The following RASSF5 variants were observed in gnomAD, a reference collection of about 807,000 sequenced individuals.
The protein encoded by RASSF5 is ras association domain-containing protein 5.
Under a neutral mutation model 40.5 loss-of-function variants are expected in RASSF5, and 25 were observed. The observed-to-expected ratio is 0.62, with a 90% confidence interval of 0.45 to 0.86. RASSF5 has a LOEUF of 0.86. RASSF5 is among the 40% of genes least tolerant of loss of function. The pLI is 0.00. For synonymous variants in RASSF5, 246 were observed against 252.4 expected (o/e 0.97, Z 0.24); for missense variants, 521 against 572.8 (o/e 0.91, Z 0.92).
chr1:206,588,098 C>G lies in RASSF5; in HGVS notation c.*1120C>G, dbSNP rs578162687. 1.3e-5 allele frequency: 2 copies of G among 152,762 alleles called. No homozygotes were observed. Among genetic ancestry groups the G allele is most frequent in the African/African-American group, 4.8e-5 (2 of 41,468 alleles). 9.5% of individuals were successfully genotyped at this position (152,762 alleles called of 1,614,324 possible). A position where few individuals can be genotyped will look rare whatever the true frequency, so the allele number is the denominator to read the frequency against. ...AGACCCGGCACTGCGCTCGGAGAGC[C>G]GGTGGGCCTGGCCTCCCCGTCGACC... On this transcript the variant is annotated 3_prime_UTR_variant, in exon 6 of 6. Coordinates refer to ENST00000579436, the MANE Select transcript of RASSF5 (RefSeq NM_182663.4).
At position 206,587,025 on chromosome 1, in the gene RASSF5, TATTA is replaced by T. The variant is rs1553407820; in HGVS notation, c.*52_*55del. ...CTGGTGCATTCAGATTTATTTGTAT[TATTA>T]ATTATTATTTTGCAACAGACACTTT... On this transcript the variant is annotated 3_prime_UTR_variant, in exon 6 of 6. Transcript: ENST00000579436. 1.3e-5 allele frequency: 21 copies of T among 1,603,100 alleles called. No homozygotes were observed. The highest frequency in any genetic ancestry group is 3.4e-5 in the Admixed American group (2 of 59,346).
At chr1:206,526,348 C>T (rs1424929305) in intron 1 of RASSF5, among the ~76,000 whole-genome samples, 2 of 148,034 alleles carry the variant, frequency 1.4e-5, no homozygotes, top group East Asian at 4.0e-4. Flanking sequence ...GCCTCCAGGC[C>T]CTCCGGGCTG....
intron 2 of RASSF5, among the ~76,000 whole-genome samples, chr1:206,549,851 G>A (rs1667786162): frequency 6.6e-6 from 1 of 152,160 alleles, no homozygotes; most frequent in Non-Finnish European, 1.5e-5. Flanking sequence ...CCCTGTATGA[G>A]GGCAGACACT....
At chr1:206,575,351 G>T (rs1300441500) in intron 2 of RASSF5, among the ~76,000 whole-genome samples, 1 of 152,214 alleles carries the variant, frequency 6.6e-6, no homozygotes, top group East Asian at 1.9e-4. Flanking sequence ...GATTTGCTAA[G>T]AGCTGAGAAA....
chr1:206,535,740 G>A lies in RASSF5; in HGVS notation c.458-2432G>A, dbSNP rs1553398577. Among the ~76,000 whole-genome samples the A allele has an allele frequency of 6.6e-6, 1 of 150,538 alleles. No homozygotes were observed. Among genetic ancestry groups the A allele is most frequent in the African/African-American group, 2.5e-5 (1 of 40,716 alleles). ...GGTGTGTGTGTGTGTGTGTGTGTGT[G>A]TGTGAGAGAGAGAGAGAGAGATGGA... On this transcript the variant is annotated intron_variant, in intron 1 of 5. Coordinates refer to ENST00000579436, the MANE Select transcript of RASSF5 (RefSeq NM_182663.4). The surrounding 1 kb of genome is among the most constrained non-coding windows in gnomAD (Gnocchi z 5.0).
intron 2 of RASSF5, among the ~76,000 whole-genome samples, chr1:206,574,007 A>G (rs1285676243): frequency 6.6e-6 from 1 of 152,242 alleles, no homozygotes; most frequent in African/African-American, 2.4e-5. Context: ...AGGGGATTAA[A>G]TGAGATCAGG....
At chr1:206,549,073 C>T (rs1667770524) in intron 2 of RASSF5, among the ~76,000 whole-genome samples, 1 of 151,796 alleles carries the variant, frequency 6.6e-6, no homozygotes, top group African/African-American at 2.4e-5. Context: ...ACTATGTTGG[C>T]CAGGCTGGTC....
chr1:206,565,686 A>G (rs1446576253), intron 2 of RASSF5, among the ~76,000 whole-genome samples: 2 of 152,224 alleles, frequency 1.3e-5, no homozygotes, highest in African/African-American at 4.8e-5. Flanking sequence ...CCTTGCAGCC[A>G]CATGGCCTTT....
chr1:206,573,981 A>T (rs1462412489), intron 2 of RASSF5, among the ~76,000 whole-genome samples: 6 of 152,252 alleles, frequency 3.9e-5, no homozygotes, highest in Non-Finnish European at 8.8e-5. Context: ...GAGTAACAGC[A>T]TCTTTCTTGT....
intron 2 of RASSF5, among the ~76,000 whole-genome samples, chr1:206,553,761 A>C (rs1553401364): frequency 1.3e-5 from 2 of 152,248 alleles, no homozygotes; most frequent in Non-Finnish European, 1.5e-5. Context: ...GGGCATAGTC[A>C]GATGGAGAAA....
At chr1:206,509,743 T>C (rs1666567462) in intron 1 of RASSF5, among the ~76,000 whole-genome samples, 1 of 151,708 alleles carries the variant, frequency 6.6e-6, no homozygotes, top group African/African-American at 2.4e-5. Flanking sequence ...TTTTTTGGTT[T>C]GGTGATAATG....
intron 1 of RASSF5, among the ~76,000 whole-genome samples, chr1:206,512,203 A>G (rs1666635714): frequency 6.6e-6 from 1 of 151,984 alleles, no homozygotes; most frequent in African/African-American, 2.4e-5. Context: ...TCTAACTGGG[A>G]TCTTCTTCTT....
rs1553393974 is a variant in RASSF5 at position 206,507,707 on chromosome 1, GCCGCCCCCCGA to G, written c.109_119del (p.Pro37ValfsTer98). The stretch of plus-strand genomic sequence containing the variant: ...GCCTGAGCGGCCCCGAGCTACCGCC[GCCGCCCCCCGA>G]CCGGTCCTCGCGCCTCTGTGTCCCG... On this transcript the variant is annotated frameshift_variant, in exon 1 of 6. Transcript: ENST00000579436. LOFTEE classifies it high-confidence loss of function. 1 of 1,488,092 alleles carries G rather than the reference GCCGCCCCCCGA, an allele frequency of 6.7e-7. No homozygotes were observed. Among genetic ancestry groups the G allele is most frequent in the African/African-American group, 1.5e-5 (1 of 68,492 alleles). The allele number at this position is 1,488,092 out of a possible 1,614,324, so 92.2% of individuals were successfully genotyped here.
chr1:206,546,131 C>T (rs1667687154), intron 2 of RASSF5, among the ~76,000 whole-genome samples: 1 of 82,404 alleles, frequency 1.2e-5, no homozygotes, highest in Non-Finnish European at 2.1e-5. Context: ...TTTTTTGGGA[C>T]AGGATCTCAT....
In RASSF5 at chr1:206,584,449, G is replaced by A. The variant is rs140334800; in HGVS notation, c.753G>A (p.Thr251=). Residue 251 remains threonine, a synonymous_variant, in exon 4 of 6, where the codon ACG becomes ACA. Coordinates refer to ENST00000579436, the MANE Select transcript of RASSF5 (RefSeq NM_182663.4). This position sits in a 1 kb window ranked among gnomAD's most constrained non-coding sequence, Gnocchi z 4.9. ...KVHLKLRRPV[T]VPAGIRPQSI... ...ATCTGAAACTCCGGCGGCCTGTGAC[G>A]GTGCCTGCTGGGATCCGGCCCCAGT... is the stretch of plus-strand genomic sequence containing the variant. The A allele has an allele frequency of 2.9e-5, 47 of 1,614,020 alleles. No homozygotes were observed. The East Asian group carries it at 5.1e-4, about 18-fold the overall frequency.
rs7541445 is a variant in RASSF5, at chr1:206,587,354, A to T, written c.*376A>T. On this transcript the variant is annotated 3_prime_UTR_variant, in exon 6 of 6. Coordinates refer to ENST00000579436, the MANE Select transcript of RASSF5 (RefSeq NM_182663.4). ...TAGAGCTGTGTGTTCTTTCTCTGGC[A>T]TTGATTCCTCTTTGAGTTCTCTTAC... 0.44 allele frequency: 140,036 copies of T among 316,802 alleles called. 31,589 individuals are homozygous for T. The highest frequency in any genetic ancestry group is 0.55 in the South Asian group (20,506 of 37,476). The allele number at this position is 316,802 out of a possible 1,614,324, so 19.6% of individuals were successfully genotyped here.
intron 2 of RASSF5, among the ~76,000 whole-genome samples, chr1:206,553,217 A>G (rs1667892953): frequency 6.6e-6 from 1 of 152,160 alleles, no homozygotes; most frequent in Non-Finnish European, 1.5e-5. Context: ...ACAAAAAACA[A>G]GAAAAGGGCT....
At position 206,557,262 on chromosome 1, in the gene RASSF5, G is replaced by A. The variant is rs1162025038; in HGVS notation, c.579+18969G>A. ...GCGGAGGGAGGGCGCTGGCGCCGGG[G>A]ACACGAAACCGCAGAGCCCGGACGA... On this transcript the variant is annotated intron_variant, in intron 2 of 5. Transcript: ENST00000579436. The A allele has an allele frequency of 1.0e-5, 12 of 1,145,458 alleles. 1 individual carries two copies. The highest frequency in any genetic ancestry group is 1.3e-5 in the Non-Finnish European group (12 of 931,226). The allele number at this position is 1,145,458 out of a possible 1,614,324, so 71.0% of individuals were successfully genotyped here.
intron 2 of RASSF5, chr1:206,557,130 C>A (rs888375697): frequency 3.0e-6 from 3 of 990,168 alleles, no homozygotes; most frequent in Non-Finnish European, 3.6e-6. Flanking sequence ...ACAGCCGAGC[C>A]GGCTTTGAGG....
Sources: gnomAD v4.1 joint callset for allele counts (sites outside exome capture counted in the v4.1 genomes callset) on GRCh38, gnomAD v4.1.1 for gene constraint, Gnocchi (gnomAD v3.1) non-coding constraint, MANE v1.5 for transcripts, NCBI Gene and HGNC (gene_info 2026-07-23, HGNC 2026-07-21) for gene names.